The following GRAMD1C variants were observed in gnomAD, a reference collection of about 807,000 sequenced individuals.
The protein encoded by GRAMD1C is protein Aster-C.
GRAMD1C carries 89 observed loss-of-function variants against 97.8 expected under a neutral mutation model. The observed-to-expected ratio is 0.91, with a 90% confidence interval of 0.77 to 1.09. The LOEUF (loss-of-function observed/expected upper bound fraction) is 1.09. Ranked by LOEUF, GRAMD1C falls within the 50% of genes least tolerant of loss-of-function variation. The probability of loss-of-function intolerance (pLI) is 0.00; values close to 1 mark genes in which losing one functional copy is unlikely to be tolerated. For missense variants in GRAMD1C, 740 were observed against 766.4 expected (o/e 0.97, Z 0.41); for synonymous variants, 256 against 267.0 (o/e 0.96, Z 0.40).
intron 10 of GRAMD1C, among the ~76,000 whole-genome samples, chr3:113,929,690 T>C (rs1490768774): frequency 6.6e-6 from 1 of 152,078 alleles, no homozygotes; most frequent in Non-Finnish European, 1.5e-5. Flanking sequence ...GATGATAGAC[T>C]CTATGATTTG....
At chr3:113,861,342 G>C (rs1002236755) in intron 2 of GRAMD1C, among the ~76,000 whole-genome samples, 3 of 151,984 alleles carry the variant, frequency 2.0e-5, no homozygotes, top group African/African-American at 7.2e-5. Context: ...AGATAAATTG[G>C]ACCTCATTAA....
At position 113,909,019 on chromosome 3, in the gene GRAMD1C, T is replaced by C; in HGVS notation, c.851T>C (p.Leu284Ser). ...ACCAAAAAGAGTCTCTTACCAACTT[T>C]GGAAAAGAAGTTAACTAGAGTGCCA... ...KQTKKSLLPT[L>S]EKKLTRVPSK... Residue 284 changes from leucine (L) to serine (S), a missense_variant, in exon 9 of 18, where the codon TTG becomes TCG. Physicochemically the swap from Leu to Ser is moderately radical, Grantham distance 145 (BLOSUM62 -2). Coordinates refer to ENST00000358160, the MANE Select transcript of GRAMD1C (RefSeq NM_017577.5). 6.3e-7 allele frequency: 1 copy of C among 1,577,492 alleles called. No homozygotes were observed. Among genetic ancestry groups the C allele is most frequent in the South Asian group, 1.2e-5 (1 of 84,878 alleles).
At chr3:113,871,757 A>C (rs13098437) in intron 3 of GRAMD1C, among the ~76,000 whole-genome samples, 41,714 of 142,564 alleles carry the variant, frequency 0.29, 7,488 homozygotes, top group Non-Finnish European at 0.37. Context: ...AAAAAAAAAA[A>C]AAAAAAAAAC....
chr3:113,930,816 C>T lies in GRAMD1C; in HGVS notation c.1193C>T (p.Ala398Val). ...AGTCCACTTACTGGAAAATGCACTG[C>T]TGCCACTGAAAAGCAGGTACGTCTG... ...LNSPLTGKCTAATEKQTLYKE... is the reference protein window; with the variant it reads ...LNSPLTGKCTVATEKQTLYKE... The change falls in exon 11 of 18, where the codon GCT becomes GTT. Residue 398 changes from alanine (A) to valine (V), a missense_variant. Ala to Val is a moderately conservative substitution (Grantham distance 64, BLOSUM62 0). Coordinates refer to ENST00000358160, the MANE Select transcript of GRAMD1C (RefSeq NM_017577.5). 6.3e-7 allele frequency: 1 copy of T among 1,584,696 alleles called. No homozygotes were observed. The highest frequency in any genetic ancestry group is 8.7e-7 in the Non-Finnish European group (1 of 1,153,322).
chr3:113,837,723 AAAACAAACAAAC>A (rs58525780), upstream of GRAMD1C, among the ~76,000 whole-genome samples: 113 of 150,062 alleles, frequency 7.5e-4, no homozygotes, highest in African/African-American at 2.3e-3. Flanking sequence ...CCTGTCTCAA[AAAACAAACAAAC>A]AAACAAACAA....
chr3:113,874,747 T>C (rs994834019), intron 3 of GRAMD1C, among the ~76,000 whole-genome samples: 3 of 152,186 alleles, frequency 2.0e-5, no homozygotes, highest in Non-Finnish European at 4.4e-5. Flanking sequence ...CAATCACCAA[T>C]TCACCATCAG....
At chr3:113,871,255 A>G (rs1353690024) in intron 3 of GRAMD1C, among the ~76,000 whole-genome samples, 3 of 152,106 alleles carry the variant, frequency 2.0e-5, no homozygotes, top group Non-Finnish European at 4.4e-5. Flanking sequence ...AGGCTTTAAG[A>G]GGAAAAATTT....
At position 113,838,851 on chromosome 3, in the gene GRAMD1C, C is replaced by CGCGGG. The variant is rs1333971848; in HGVS notation, c.-54_-50dup. 12 of 1,193,398 alleles carry CGCGGG rather than the reference C, an allele frequency of 1.0e-5. No homozygotes were observed. In the East Asian group the frequency reaches 1.6e-4, roughly 16 times the overall value. 73.9% of individuals were successfully genotyped at this position (1,193,398 alleles called of 1,614,324 possible). A position where few individuals can be genotyped will look rare whatever the true frequency, so the allele number is the denominator to read the frequency against. ...ACTCGCAGCGCGCGCTGGAGGTGGG[C>CGCGGG]GCGGGGCGGTGCGGTGCGGTGCGCG... On this transcript the variant is annotated 5_prime_UTR_variant, in exon 1 of 18. Transcript: ENST00000358160.
chr3:113,849,953 CGGCTGACCGGGCGGGG>C (rs1334896041), intron 2 of GRAMD1C, among the ~76,000 whole-genome samples: 2 of 126,178 alleles, frequency 1.6e-5, no homozygotes, highest in Non-Finnish European at 3.3e-5. Flanking sequence ...CCGGACGGGG[CGGCTGACCGGGCGGGG>C]GGCTGACCCC....
intron 6 of GRAMD1C, chr3:113,891,039 A>G (rs1478923586): frequency 8.6e-6 from 3 of 348,526 alleles, no homozygotes; most frequent in Non-Finnish European, 1.5e-5. Context: ...CACCATTTTC[A>G]CAGTAGTTAT....
At chr3:113,888,509 AAG>A (rs1483197051) in intron 6 of GRAMD1C, among the ~76,000 whole-genome samples, 1 of 152,224 alleles carries the variant, frequency 6.6e-6, no homozygotes, top group Non-Finnish European at 1.5e-5. Flanking sequence ...CAAAAAAAGA[AAG>A]AAGGCAAGCA....
At chr3:113,838,728 C>T (rs559655935), upstream of GRAMD1C, 8 of 380,650 alleles carry the variant, frequency 2.1e-5, no homozygotes, top group Admixed American at 1.4e-4. Context: ...AACCCGGTAA[C>T]ACCCATCGTC....
At chr3:113,855,506 T>C (rs997114316) in intron 2 of GRAMD1C, among the ~76,000 whole-genome samples, 2 of 151,460 alleles carry the variant, frequency 1.3e-5, no homozygotes, top group African/African-American at 4.9e-5. Context: ...GAGTTCGAGA[T>C]CAGCCTGGCC....
rs550859238 is a variant in GRAMD1C at position 113,870,974 on chromosome 3, G to GACACACACAC, written c.259+1423_259+1432dup. ...TCAACAAATAAATAAATAAATAAAA[G>GACACACACAC]ACACACACACACACACACACACACA... On this transcript the variant is annotated intron_variant, in intron 3 of 17. Coordinates refer to ENST00000358160, the MANE Select transcript of GRAMD1C (RefSeq NM_017577.5). Among the ~76,000 whole-genome samples, 52 of 76,268 alleles carry GACACACACAC rather than the reference G, an allele frequency of 6.8e-4. 1 individual carries two copies. The highest frequency in any genetic ancestry group is 2.2e-3 in the African/African-American group (44 of 19,830). The allele number at this position is 76,268 out of a possible 152,430, so 50.0% of individuals were successfully genotyped here. A position where few individuals can be genotyped will look rare whatever the true frequency, so the allele number is the denominator to read the frequency against.
intron 13 of GRAMD1C, among the ~76,000 whole-genome samples, chr3:113,934,900 C>T (rs932534937): frequency 2.0e-5 from 3 of 152,068 alleles, no homozygotes; most frequent in Admixed American, 6.5e-5. Context: ...TGTGCCACCA[C>T]ACCCGGCTAA....
chr3:113,943,006 C>T (rs1937878431), intron 17 of GRAMD1C, among the ~76,000 whole-genome samples: 1 of 152,198 alleles, frequency 6.6e-6, no homozygotes, highest in South Asian at 2.1e-4. Flanking sequence ...ACTGTTGTCT[C>T]CTTTTCCATT....
chr3:113,916,656 C>T (rs938812661), intron 10 of GRAMD1C, among the ~76,000 whole-genome samples: 6 of 152,028 alleles, frequency 3.9e-5, no homozygotes, highest in Non-Finnish European at 8.8e-5. Context: ...AGTTCTATAT[C>T]CTGATCAGAG....
intron 9 of GRAMD1C, chr3:113,913,133 T>A: frequency 7.8e-7 from 1 of 1,280,582 alleles, no homozygotes; most frequent in Non-Finnish European, 1.0e-6. Flanking sequence ...TTTAGGAAGA[T>A]CTACTCTGGC....
intron 9 of GRAMD1C, among the ~76,000 whole-genome samples, chr3:113,911,171 G>C (rs1197159629): frequency 7.7e-4 from 4 of 5,188 alleles, no homozygotes; most frequent in African/African-American, 1.6e-3. Flanking sequence ...AACAGAGAGA[G>C]AGACACACAC....
Sources: gnomAD v4.1 joint callset for allele counts (sites outside exome capture counted in the v4.1 genomes callset) on GRCh38, gnomAD v4.1.1 for gene constraint, MANE v1.5 for transcripts, NCBI Gene and HGNC (gene_info 2026-07-23, HGNC 2026-07-21) for gene names.